Variants in CACNB4 observed in about 807,000 individuals in gnomAD.
CACNB4 encodes the protein voltage-dependent L-type calcium channel subunit beta-4.
Under a neutral mutation model 71.2 loss-of-function variants are expected in CACNB4, and 32 were observed. The observed-to-expected ratio is 0.45, with a 90% CI of 0.34 to 0.60. The LOEUF is 0.60. Among genes scored for constraint, CACNB4 ranks in the 20% least tolerant of loss-of-function variants. The probability of loss-of-function intolerance (pLI) is 0.01; values close to 1 mark genes in which losing one functional copy is unlikely to be tolerated. For missense variants in CACNB4, 464 were observed against 647.9 expected (o/e 0.72, Z 3.08); for synonymous variants, 231 against 236.9 (o/e 0.97, Z 0.23).
chr2:151,938,607 CAA>C (rs1331338331), intron 2 of CACNB4, among the ~76,000 whole-genome samples: 3 of 152,196 alleles, frequency 2.0e-5, no homozygotes, highest in Non-Finnish European at 4.4e-5. Flanking sequence ...CGTGTCATTT[CAA>C]AGTTTTACCT....
chr2:151,953,376 T>C (rs934097911), intron 2 of CACNB4, among the ~76,000 whole-genome samples: 1 of 152,234 alleles, frequency 6.6e-6, no homozygotes, highest in African/African-American at 2.4e-5. Context: ...CAGCCTGCCA[T>C]GCTCTCCTTT....
intron 2 of CACNB4, among the ~76,000 whole-genome samples, chr2:151,984,723 A>C (rs890606648): frequency 6.6e-6 from 1 of 152,194 alleles, no homozygotes; most frequent in Non-Finnish European, 1.5e-5. Context: ...AAGGGTTAGG[A>C]AAGTTTCCTA....
chr2:152,044,187 G>A (rs1409418699), intron 2 of CACNB4, among the ~76,000 whole-genome samples: 2 of 152,072 alleles, frequency 1.3e-5, no homozygotes, highest in African/African-American at 4.8e-5. Flanking sequence ...AAACACAAAT[G>A]CACTTCTTTT....
At chr2:151,985,090 T>A (rs1681265519) in intron 2 of CACNB4, among the ~76,000 whole-genome samples, 1 of 152,190 alleles carries the variant, frequency 6.6e-6, no homozygotes, top group African/African-American at 2.4e-5. Context: ...AAGTAAAATA[T>A]GTTTTTTAAA....
chr2:152,096,618 T>C (rs1688282715), intron 2 of CACNB4, among the ~76,000 whole-genome samples: 2 of 152,234 alleles, frequency 1.3e-5, no homozygotes, highest in Non-Finnish European at 2.9e-5. Flanking sequence ...AGATGAAATA[T>C]ATTTATTTAA....
In CACNB4 at chr2:151,876,533, T is replaced by A; in HGVS notation, c.414A>T (p.Ile138=). The part of the protein sequence containing the change: ...IKEKYNNDWW[I]GRLVKEGCEI... Reference sequence around the variant, plus strand: ...CACAGCCCTCTTTCACCAGCCTTCCTATCCACCAATCATTGTTATATTTCT... The same window carrying A: ...CACAGCCCTCTTTCACCAGCCTTCCAATCCACCAATCATTGTTATATTTCT... Residue 138 remains isoleucine (I), a synonymous_variant, in exon 5 of 14, where the codon ATA becomes ATT. Coordinates refer to ENST00000539935, the MANE Select transcript of CACNB4 (RefSeq NM_000726.5). 6.2e-7 allele frequency: 1 copy of A among 1,600,488 alleles called. No individual in the cohort carries two copies. Among genetic ancestry groups the A allele is most frequent in the East Asian group, 2.3e-5 (1 of 44,424 alleles).
At chr2:152,078,103 G>C (rs981590938) in intron 2 of CACNB4, among the ~76,000 whole-genome samples, 1 of 152,118 alleles carries the variant, frequency 6.6e-6, no homozygotes, top group African/African-American at 2.4e-5. Context: ...GGCTTTTTGC[G>C]ATAGAACTGA....
intron 2 of CACNB4, among the ~76,000 whole-genome samples, chr2:152,093,466 G>T (rs1688097282): frequency 6.6e-6 from 1 of 150,548 alleles, no homozygotes; most frequent in Non-Finnish European, 1.5e-5. Context: ...ACGTGACCTT[G>T]TTGCACCCCA....
chr2:152,043,095 A>C (rs1008248163), intron 2 of CACNB4, among the ~76,000 whole-genome samples: 36 of 152,154 alleles, frequency 2.4e-4, no homozygotes, highest in African/African-American at 6.8e-4. Context: ...GTTCAAGGGA[A>C]TTGCCCACTC....
At chr2:152,047,337 T>C (rs1685187958) in intron 2 of CACNB4, among the ~76,000 whole-genome samples, 1 of 152,238 alleles carries the variant, frequency 6.6e-6, no homozygotes, top group African/African-American at 2.4e-5. Context: ...TGTCAATTTC[T>C]TCCTGAGGGG....
chr2:152,051,236 C>T (rs1040493496), intron 2 of CACNB4, among the ~76,000 whole-genome samples: 3 of 152,160 alleles, frequency 2.0e-5, no homozygotes, highest in Non-Finnish European at 4.4e-5. Flanking sequence ...TTCCCTTTGG[C>T]TTTTTACTAT....
chr2:151,848,966 T>G (rs1313441092), intron 12 of CACNB4, among the ~76,000 whole-genome samples: 2 of 152,050 alleles, frequency 1.3e-5, no homozygotes, highest in African/African-American at 4.8e-5. Context: ...ATGTAGTGTA[T>G]AGATGTATAA....
intron 2 of CACNB4, among the ~76,000 whole-genome samples, chr2:151,981,078 C>T (rs1420417808): frequency 2.1e-4 from 2 of 9,576 alleles, no homozygotes; most frequent in Non-Finnish European, 2.9e-4. Context: ...CTAACTTCTC[C>T]AACCCCTCAG....
chr2:152,092,194 T>C (rs1260925280), intron 2 of CACNB4, among the ~76,000 whole-genome samples: 1 of 152,264 alleles, frequency 6.6e-6, no homozygotes, highest in African/African-American at 2.4e-5. Flanking sequence ...AGTATTTTCT[T>C]TCTGCAATCT....
Position 151,878,898 on chromosome 2 carries a change from G to A in CACNB4, c.390+1902C>T, listed in dbSNP as rs905914612. 6.6e-5 allele frequency among the ~76,000 whole-genome samples: 10 copies of A among 152,120 alleles called. 1 individual carries two copies. Among genetic ancestry groups the A allele is most frequent in the Middle Eastern group, 6.8e-3 (2 of 292 alleles). On this transcript the variant is annotated intron_variant, in intron 4 of 13. Coordinates refer to ENST00000539935, the MANE Select transcript of CACNB4 (RefSeq NM_000726.5). Reference sequence around the variant, plus strand: ...TGCACTCCAGCCTGGAAAACAGAGCGAGAACCTGTCTCCAAAAAAATAAAA... The same window carrying A: ...TGCACTCCAGCCTGGAAAACAGAGCAAGAACCTGTCTCCAAAAAAATAAAA...
At chr2:151,875,867 C>T (rs1388270413) in intron 5 of CACNB4, among the ~76,000 whole-genome samples, 25 of 144,746 alleles carry the variant, frequency 1.7e-4, no homozygotes, top group Admixed American at 5.4e-4. Flanking sequence ...ATCTCCCTCC[C>T]GGACGGGGCG....
chr2:151,886,238 C>G (rs1030655211), intron 2 of CACNB4, among the ~76,000 whole-genome samples: 1 of 152,136 alleles, frequency 6.6e-6, no homozygotes, highest in African/African-American at 2.4e-5. Flanking sequence ...CATCAGGAAC[C>G]CAAGTGAGAC....
intron 12 of CACNB4, among the ~76,000 whole-genome samples, chr2:151,844,405 G>T (rs1441256600): frequency 6.6e-6 from 1 of 151,282 alleles, no homozygotes; most frequent in Non-Finnish European, 1.5e-5. Flanking sequence ...TCTGTAGAGG[G>T]ACGAAAATAA....
At chr2:151,946,213 C>G (rs998710758) in intron 2 of CACNB4, among the ~76,000 whole-genome samples, 15 of 151,966 alleles carry the variant, frequency 9.9e-5, no homozygotes, top group African/African-American at 2.9e-4. Context: ...GCTGTAATCC[C>G]AGCCACTCAG....
Sources: gnomAD v4.1 joint callset for allele counts (sites outside exome capture counted in the v4.1 genomes callset) on GRCh38, gnomAD v4.1.1 for gene constraint, MANE v1.5 for transcripts, NCBI Gene and HGNC (gene_info 2026-07-23, HGNC 2026-07-21) for gene names.